Variants in UMAD1 observed in about 807,000 individuals in gnomAD.
The protein encoded by UMAD1 is UBAP1-MVB12-associated (UMA)-domain containing protein 1.
A neutral mutation model predicts 6.1 loss-of-function variants in UMAD1; 8 were observed. The observed-to-expected ratio is 1.30, with a 90% confidence interval of 0.76 to 2.35. UMAD1 has a LOEUF of 2.35. Ranked by LOEUF, UMAD1 falls within the 30% of genes most tolerant of loss-of-function variation. UMAD1 has a pLI of 0.00. For missense variants in UMAD1, 130 were observed against 78.4 expected (o/e 1.66, Z -2.49); for synonymous variants, 56 against 31.4 (o/e 1.78, Z -2.61).
intron 3 of UMAD1, among the ~76,000 whole-genome samples, chr7:7,822,786 A>G (rs1386073515): frequency 6.6e-6 from 1 of 152,130 alleles, no homozygotes; most frequent in East Asian, 1.9e-4. Context: ...TCTAGCAATC[A>G]ATTGAAGACA....
At chr7:7,675,187 T>G (rs1779709237) in intron 2 of UMAD1, among the ~76,000 whole-genome samples, 1 of 152,206 alleles carries the variant, frequency 6.6e-6, no homozygotes, top group Non-Finnish European at 1.5e-5. Flanking sequence ...TCTTTATGAT[T>G]AGAAATTGAC....
At chr7:7,696,839 T>C (rs1042169536) in intron 2 of UMAD1, among the ~76,000 whole-genome samples, 1 of 151,160 alleles carries the variant, frequency 6.6e-6, no homozygotes, top group Non-Finnish European at 1.5e-5. Context: ...TCTTTCTTCT[T>C]CTTTTTTTTT....
At chr7:7,862,432 T>C (rs1019356465) in intron 3 of UMAD1, among the ~76,000 whole-genome samples, 1 of 152,202 alleles carries the variant, frequency 6.6e-6, no homozygotes, top group Non-Finnish European at 1.5e-5. Flanking sequence ...AAATATGATC[T>C]TGTTGCATTA....
At chr7:7,761,112 C>G (rs1334035813) in intron 2 of UMAD1, among the ~76,000 whole-genome samples, 1 of 152,102 alleles carries the variant, frequency 6.6e-6, no homozygotes, top group Non-Finnish European at 1.5e-5. Context: ...CGCCTGTAAT[C>G]CTAGTACTTT....
intron 2 of UMAD1, among the ~76,000 whole-genome samples, chr7:7,733,853 T>G (rs1449314133): frequency 6.6e-6 from 1 of 151,956 alleles, no homozygotes; most frequent in Non-Finnish European, 1.5e-5. Flanking sequence ...TAAAATTGAT[T>G]ATAGACTTCT....
At chr7:7,783,115 G>A (rs1314133079) in intron 2 of UMAD1, among the ~76,000 whole-genome samples, 2 of 152,110 alleles carry the variant, frequency 1.3e-5, no homozygotes, top group African/African-American at 2.4e-5. Flanking sequence ...TGAGATGGTG[G>A]TTTTGCTGAT....
At chr7:7,819,204 TA>T (rs1309861600) in intron 3 of UMAD1, among the ~76,000 whole-genome samples, 5 of 152,190 alleles carry the variant, frequency 3.3e-5, no homozygotes, top group Non-Finnish European at 5.9e-5. Flanking sequence ...GTATGATTTT[TA>T]GCCCCATAGT....
chr7:7,676,704 A>G (rs1369295061), intron 2 of UMAD1, among the ~76,000 whole-genome samples: 1 of 152,138 alleles, frequency 6.6e-6, no homozygotes, highest in Non-Finnish European at 1.5e-5. Context: ...AAATGTTTTT[A>G]AAATATTTTA....
chr7:7,670,977 A>AT (rs765082765), intron 1 of UMAD1, among the ~76,000 whole-genome samples: 157 of 152,038 alleles, frequency 1.0e-3, no homozygotes, highest in Non-Finnish European at 1.5e-3. Flanking sequence ...CCCTGTTGGA[A>AT]TTTTTTCCTT....
chr7:7,652,217 A>G (rs1785238670), intron 1 of UMAD1, among the ~76,000 whole-genome samples: 1 of 152,194 alleles, frequency 6.6e-6, no homozygotes. Flanking sequence ...TCGTTTGCTC[A>G]CTTGGCCATT....
intron 2 of UMAD1, among the ~76,000 whole-genome samples, chr7:7,699,046 G>GT (rs1780388977): frequency 8.1e-6 from 1 of 123,062 alleles, no homozygotes; most frequent in African/African-American, 3.1e-5. Context: ...GTGTGTGTGT[G>GT]TGTGGGGGGG....
In UMAD1 at chr7:7,847,101, AAAAATATATATATATATATAT is replaced by A. The variant is rs1162176014; in HGVS notation, c.157-30178_157-30158del. 1.6e-3 allele frequency among the ~76,000 whole-genome samples: 50 copies of A among 32,180 alleles called. 6 individuals are homozygous for A. Among genetic ancestry groups the A allele is most frequent in the East Asian group, 0.012 (11 of 906 alleles). 21.1% of individuals were successfully genotyped at this position (32,180 alleles called of 152,430 possible). On this transcript the variant is annotated intron_variant, in intron 3 of 3. Transcript: ENST00000682710. ...AGACAGCAATGCAAAAAAAAAAAAA[AAAAATATATATATATATATAT>A]ATATATATATATATATATATATATA...
At chr7:7,704,645 G>A (rs563265427) in intron 2 of UMAD1, among the ~76,000 whole-genome samples, 233 of 149,198 alleles carry the variant, frequency 1.6e-3, no homozygotes, top group African/African-American at 5.5e-3. Context: ...ATGCACGTCT[G>A]TAGTCCCAGC....
chr7:7,748,161 G>A (rs968334773), intron 2 of UMAD1, among the ~76,000 whole-genome samples: 4 of 150,682 alleles, frequency 2.7e-5, no homozygotes, highest in African/African-American at 9.8e-5. Context: ...GGCCAGGATG[G>A]TCTTGATCTC....
chr7:7,856,159 A>G (rs972278274), intron 3 of UMAD1, among the ~76,000 whole-genome samples: 2 of 152,178 alleles, frequency 1.3e-5, no homozygotes, highest in Non-Finnish European at 2.9e-5. Flanking sequence ...ACCCAATTCC[A>G]AAGTTGCTTC....
chr7:7,878,961 C>T lies in UMAD1; in HGVS notation c.*1423C>T, dbSNP rs11456. On this transcript the variant is annotated 3_prime_UTR_variant, in exon 4 of 4. Transcript: ENST00000682710. Reference sequence around the variant, plus strand: ...AAATATGACTTATTACTGATGCAAACGTGAACATTTTGTAGTAGTTTTGTA... The same window carrying T: ...AAATATGACTTATTACTGATGCAAATGTGAACATTTTGTAGTAGTTTTGTA... The T allele has an allele frequency of 0.51, 77,284 of 151,962 alleles. 20,996 individuals are homozygous for T. The highest frequency in any genetic ancestry group is 0.69 in the African/African-American group (28,646 of 41,484). The allele number at this position is 151,962 out of a possible 1,614,324, so 9.4% of individuals were successfully genotyped here. A position where few individuals can be genotyped will look rare whatever the true frequency, so the allele number is the denominator to read the frequency against.
chr7:7,868,675 T>C (rs1784281257), intron 3 of UMAD1: 1 of 152,130 alleles, frequency 6.6e-6, no homozygotes. Flanking sequence ...TAACCTAGCC[T>C]CTTAGTTTGC....
chr7:7,698,950 G>T (rs1432012544), intron 2 of UMAD1, among the ~76,000 whole-genome samples: 1 of 150,820 alleles, frequency 6.6e-6, no homozygotes, highest in Non-Finnish European at 1.5e-5. Flanking sequence ...GACTTCCCTG[G>T]GCTCAGTGAT....
intron 2 of UMAD1, among the ~76,000 whole-genome samples, chr7:7,735,413 CT>C (rs71014707): frequency 1.2e-3 from 172 of 145,646 alleles, no homozygotes; most frequent in Middle Eastern, 3.7e-3. Context: ...ACATCCTCAC[CT>C]TTTTTTTTTT....
Sources: gnomAD v4.1 joint callset for allele counts (sites outside exome capture counted in the v4.1 genomes callset) on GRCh38, gnomAD v4.1.1 for gene constraint, MANE v1.5 for transcripts, NCBI Gene and HGNC (gene_info 2026-07-23, HGNC 2026-07-21) for gene names.